The following SLC45A4 variants were observed in gnomAD, a reference collection of about 807,000 sequenced individuals.
The protein encoded by SLC45A4 is solute carrier family 45 member 4, also known as polyamine-transporter SLC45A4.
Under a neutral mutation model 63.7 loss-of-function variants are expected in SLC45A4, and 32 were observed. That is an observed-to-expected ratio of 0.50 (90% CI 0.38 to 0.67). The LOEUF (loss-of-function observed/expected upper bound fraction) is 0.67. Ranked by LOEUF, SLC45A4 falls within the 30% of genes least tolerant of loss-of-function variation. The pLI is 0.00. For missense variants in SLC45A4, 1,027 were observed against 1,157.7 expected, an observed-to-expected ratio of 0.89 and a Z score of 1.64; for synonymous variants, 535 against 510.0, an observed-to-expected ratio of 1.05 and a Z score of -0.66.
At position 141,308,270 on chromosome 8, in the gene SLC45A4, G is replaced by A. The variant is rs1157319693; in HGVS notation, c.-575C>T. ...GGTCAGTCAGCGACGCGGGCGCGGA[G>A]AGAGCGCTGCGAGGCTGCGGCCGGC... On this transcript the variant is annotated 5_prime_UTR_variant, in exon 1 of 9. Transcript: ENST00000517878. 6.8e-6 allele frequency: 1 copy of A among 147,730 alleles called. No individual in the cohort carries two copies. The highest frequency in any genetic ancestry group is 2.4e-5 in the African/African-American group (1 of 40,960). The allele number at this position is 147,730 out of a possible 1,614,324, so 9.2% of individuals were successfully genotyped here.
Position 141,211,666 on chromosome 8 carries a change from G to T in SLC45A4, c.2333C>A (p.Ser778Ter). 1.2e-6 allele frequency: 2 copies of T among 1,603,720 alleles called. No homozygotes were observed. The highest frequency in any genetic ancestry group is 2.7e-5 in the African/African-American group (2 of 74,598). ...TPAGIDVCQI[S>*]SHWLVPQLLE... ...CAGCTGCGGCACCAGCCAATGTGAC[G>T]AGATCTGACAGACGTCAATACCTGC... Residue 778 changes from serine to a stop codon, truncating the protein, a stop_gained, in exon 9 of 9, where the codon TCG becomes TAG. Coordinates refer to ENST00000517878, the MANE Select transcript of SLC45A4 (RefSeq NM_001286646.2). LOFTEE classifies it low-confidence loss of function (END_TRUNC).
At chr8:141,249,396 G>C (rs1237226217) in intron 2 of SLC45A4, among the ~76,000 whole-genome samples, 2 of 152,198 alleles carry the variant, frequency 1.3e-5, no homozygotes, top group African/African-American at 2.4e-5. Context: ...CACAGAAAAG[G>C]AGCAAAGAAA....
chr8:141,307,932 T>C (rs1422962181), intron 1 of SLC45A4, among the ~76,000 whole-genome samples, 164 bp downstream of exon 1: 2 of 120,698 alleles, frequency 1.7e-5, no homozygotes, highest in East Asian at 5.2e-4. Flanking sequence ...TGGGGGCACG[T>C]CCCCTCCCCC....
At chr8:141,272,172 TAA>T (rs1193147327) in intron 1 of SLC45A4, among the ~76,000 whole-genome samples, 4 of 152,342 alleles carry the variant, frequency 2.6e-5, no homozygotes, top group South Asian at 4.1e-4. Context: ...CAAAACTATA[TAA>T]AGACAGGAAA....
intron 1 of SLC45A4, among the ~76,000 whole-genome samples, chr8:141,286,768 C>T (rs866470154): frequency 7.0e-6 from 1 of 142,106 alleles, no homozygotes; most frequent in Non-Finnish European, 1.5e-5. Flanking sequence ...CGACCCCATA[C>T]CACGGCCTCC....
At chr8:141,217,341 T>C in intron 5 of SLC45A4, 152 bp from the exon 6 acceptor site, 1 of 741,172 alleles carries the variant, frequency 1.3e-6, no homozygotes, top group Non-Finnish European at 2.2e-6. Flanking sequence ...CCCAAGTCGG[T>C]TGCTATCTGT....
At chr8:141,285,062 G>A (rs752007917) in intron 1 of SLC45A4, among the ~76,000 whole-genome samples, 38 of 152,312 alleles carry the variant, frequency 2.5e-4, no homozygotes, top group South Asian at 4.1e-4. Context: ...AGTGGGGCTC[G>A]GGGCCACTGG....
At chr8:141,242,759 C>A (rs541333897) in intron 2 of SLC45A4, among the ~76,000 whole-genome samples, 1 of 152,302 alleles carries the variant, frequency 6.6e-6, no homozygotes, top group East Asian at 1.9e-4. Flanking sequence ...CTTCCACGAG[C>A]ACCTCAATGC....
Position 141,219,675 on chromosome 8 carries a change from G to A in SLC45A4, c.585C>T (p.Ala195=). The change falls in exon 4 of 9, where the codon GCC becomes GCT. Residue 195 remains alanine, a synonymous_variant. Transcript: ENST00000517878. ...CGGCAGAGAAGGCGTGGATGTTGAG[G>A]GCCATGTCCTGCTCCTCGCTGTCCA... ...DVVDSEEQDM[A]LNIHAFSAGL... 3 of 1,611,404 alleles carry A rather than the reference G, an allele frequency of 1.9e-6. No homozygotes were observed. Among genetic ancestry groups the A allele is most frequent in the Non-Finnish European group, 2.5e-6 (3 of 1,178,974 alleles).
chr8:141,293,347 G>C (rs1280700818), intron 1 of SLC45A4, among the ~76,000 whole-genome samples: 2 of 152,132 alleles, frequency 1.3e-5, no homozygotes, highest in East Asian at 1.9e-4. Flanking sequence ...CCAGCTACTT[G>C]GGAGGCTGAG....
chr8:141,256,457 C>T lies in SLC45A4; in HGVS notation c.-400-1828G>A, dbSNP rs755063531. The T allele has an allele frequency of 3.9e-5, 17 of 437,918 alleles. No individual in the cohort carries two copies. The highest frequency in any genetic ancestry group is 1.2e-4 in the African/African-American group (6 of 49,336). The allele number at this position is 437,918 out of a possible 1,614,324, so 27.1% of individuals were successfully genotyped here. A position where few individuals can be genotyped will look rare whatever the true frequency, so the allele number is the denominator to read the frequency against. ...TCTCCCCAGAGGAGACCAGAAACCTCGAGGTGCTGTCTTCACTCGGCTCCT... is the reference window on the plus strand; with the variant it reads ...TCTCCCCAGAGGAGACCAGAAACCTTGAGGTGCTGTCTTCACTCGGCTCCT... On this transcript the variant is annotated intron_variant, in intron 1 of 8. Transcript: ENST00000517878. The surrounding 1 kb of genome is among the most constrained non-coding windows in gnomAD (Gnocchi z 4.3).
intron 1 of SLC45A4, among the ~76,000 whole-genome samples, chr8:141,272,020 T>TGC (rs1307419375): frequency 2.0e-5 from 3 of 150,856 alleles, no homozygotes; most frequent in African/African-American, 7.3e-5. Context: ...CACACCTGCG[T>TGC]ACACACATGC....
rs373538879 is a variant in SLC45A4, at chr8:141,288,965, C to T, written c.-401+19131G>A. ...CAGAGATGAGTCAGTACCATCGAGG[C>T]GCTAATCCTTCGGCGTGGGTGGGAA... On this transcript the variant is annotated intron_variant, in intron 1 of 8. Transcript: ENST00000517878. Among the ~76,000 whole-genome samples, 331 of 151,600 alleles carry T rather than the reference C, an allele frequency of 2.2e-3. 5 individuals are homozygous for T. In the South Asian group the frequency reaches 0.047, roughly 22 times the overall value.
rs186813422 is a variant in SLC45A4 at position 141,277,291 on chromosome 8, C to T, written c.-400-22662G>A. ...GCGAGGACCGGAATGAAAGGACCAT[C>T]ATGGGCTACCAAAAAGACCAGTTTC... On this transcript the variant is annotated intron_variant, in intron 1 of 8. Coordinates refer to ENST00000517878, the MANE Select transcript of SLC45A4 (RefSeq NM_001286646.2). Among the ~76,000 whole-genome samples, 403 of 152,362 alleles carry T rather than the reference C, an allele frequency of 2.6e-3. 3 individuals carry two copies. Among genetic ancestry groups the T allele is most frequent in the Non-Finnish European group, 4.4e-3 (301 of 68,028 alleles).
At chr8:141,237,901 T>TA in intron 2 of SLC45A4, among the ~76,000 whole-genome samples, 1 of 152,272 alleles carries the variant, frequency 6.6e-6, no homozygotes, top group East Asian at 1.9e-4. Context: ...AACAGGCGTG[T>TA]AACTCTTTGG....
intron 1 of SLC45A4, among the ~76,000 whole-genome samples, chr8:141,258,714 C>A (rs955469345): frequency 6.6e-6 from 1 of 152,078 alleles, no homozygotes; most frequent in African/African-American, 2.4e-5. Flanking sequence ...AAGACTCCAT[C>A]TCTATAATTA....
At chr8:141,217,937 C>A in intron 5 of SLC45A4, 74 bp downstream of exon 5, 1 of 1,486,146 alleles carries the variant, frequency 6.7e-7, no homozygotes, top group South Asian at 1.3e-5. Flanking sequence ...GGCCCCCCGG[C>A]CCAGCCCGTG....
chr8:141,236,180 T>A (rs950651230), intron 2 of SLC45A4, among the ~76,000 whole-genome samples: 7 of 152,232 alleles, frequency 4.6e-5, no homozygotes, highest in Admixed American at 4.6e-4. Context: ...CAGTGCCGAC[T>A]GTCCCTGAGG....
intron 8 of SLC45A4, 140 bp downstream of exon 8, chr8:141,212,057 T>C: frequency 1.4e-6 from 2 of 1,380,266 alleles, no homozygotes; most frequent in East Asian, 5.4e-5. Flanking sequence ...GCGGAGGGGC[T>C]CTGGCCCGCA....
Sources: gnomAD v4.1 joint callset for allele counts (sites outside exome capture counted in the v4.1 genomes callset) on GRCh38, gnomAD v4.1.1 for gene constraint, Gnocchi (gnomAD v3.1) non-coding constraint, MANE v1.5 for transcripts, NCBI Gene and HGNC (gene_info 2026-07-23, HGNC 2026-07-21) for gene names.